The following PDE10A variants were observed in gnomAD, a reference collection of about 807,000 sequenced individuals.
The protein encoded by PDE10A is phosphodiesterase 10A.
Under a neutral mutation model 97.7 loss-of-function variants are expected in PDE10A, and 39 were observed. The ratio of observed to expected loss-of-function variants is 0.40; its 90% confidence interval spans 0.31 to 0.52. The LOEUF is 0.52. Ranked by LOEUF, PDE10A falls within the 20% of genes least tolerant of loss-of-function variation. PDE10A has a pLI of 0.56. For synonymous variants in PDE10A, 371 were observed against 376.8 expected, an observed-to-expected ratio of 0.98 and a Z score of 0.18; for missense variants, 731 against 1,047.8, an observed-to-expected ratio of 0.70 and a Z score of 4.17.
Position 165,462,336 on chromosome 6 carries a change from C to T in PDE10A, c.1024-11974G>A, listed in dbSNP as rs375330499. 1.8e-3 allele frequency among the ~76,000 whole-genome samples: 279 copies of T among 152,284 alleles called. 4 individuals are homozygous for T. The South Asian group carries it at 0.055, about 30-fold the overall frequency. ...AAATTTTTTGAGCCTGTCCAAAGGCCAGATGTTATCAGCACCTGAACAGTA... is the reference window on the plus strand; with the variant it reads ...AAATTTTTTGAGCCTGTCCAAAGGCTAGATGTTATCAGCACCTGAACAGTA... On this transcript the variant is annotated intron_variant, in intron 3 of 21. Transcript: ENST00000539869.
At chr6:165,949,930 G>A (rs1263247526) in intron 1 of PDE10A, 1 of 152,160 alleles carries the variant, frequency 6.6e-6, no homozygotes, top group Non-Finnish European at 1.5e-5. Flanking sequence ...GGAAAAATGA[G>A]AAAATCAAAA....
chr6:165,936,283 C>A (rs1338555794), intron 1 of PDE10A, among the ~76,000 whole-genome samples: 2 of 151,916 alleles, frequency 1.3e-5, no homozygotes, highest in Non-Finnish European at 2.9e-5. Context: ...TGTGATGAAC[C>A]ATGGAGGGAA....
intron 1 of PDE10A, among the ~76,000 whole-genome samples, chr6:165,783,274 G>A (rs376515734): frequency 1.7e-4 from 26 of 152,144 alleles, no homozygotes; most frequent in Non-Finnish European, 2.5e-4. Flanking sequence ...TACGAATGAC[G>A]ATTACAGTCA....
At chr6:165,765,298 C>G (rs1583056378) in intron 1 of PDE10A, among the ~76,000 whole-genome samples, 1 of 152,396 alleles carries the variant, frequency 6.6e-6, no homozygotes, top group East Asian at 1.9e-4. Flanking sequence ...CTCCTCAGCC[C>G]TTGGGTGATC....
chr6:165,462,040 G>A (rs1778357365), intron 3 of PDE10A, among the ~76,000 whole-genome samples: 2 of 152,232 alleles, frequency 1.3e-5, no homozygotes, highest in African/African-American at 2.4e-5. Context: ...AGAGTCTTCT[G>A]CCTGTGTTAA....
intron 3 of PDE10A, among the ~76,000 whole-genome samples, chr6:165,456,019 CTTAGG>C (rs1031660835): frequency 6.6e-6 from 1 of 152,144 alleles, no homozygotes; most frequent in Non-Finnish European, 1.5e-5. Context: ...GTCACCAAAA[CTTAGG>C]TTATTTTCTT....
chr6:165,861,395 G>A (rs35389574), intron 1 of PDE10A, among the ~76,000 whole-genome samples: 5,420 of 151,706 alleles, frequency 0.036, 115 homozygotes, highest in Middle Eastern at 0.054. Flanking sequence ...CCTCTCGGGG[G>A]GGCGCTATGG....
chr6:165,761,187 A>G (rs540488115), intron 1 of PDE10A, among the ~76,000 whole-genome samples: 57 of 152,088 alleles, frequency 3.7e-4, no homozygotes, highest in African/African-American at 1.3e-3. Flanking sequence ...AATAAACTCC[A>G]TTTTTCTAAC....
intron 1 of PDE10A, among the ~76,000 whole-genome samples, chr6:165,960,528 G>A (rs1313134145): frequency 6.6e-6 from 1 of 152,154 alleles, no homozygotes; most frequent in Admixed American, 6.5e-5. Flanking sequence ...CCCTAGACAT[G>A]TTGTCATTAA....
intron 8 of PDE10A, 28 bp downstream of exon 8, chr6:165,431,394 C>T (rs774871585): frequency 1.4e-5 from 21 of 1,551,266 alleles, no homozygotes; most frequent in Middle Eastern, 1.7e-4. Context: ...CCTTAGGAAG[C>T]CCCTGCAAAA....
chr6:165,361,645 G>A (rs904884832), intron 18 of PDE10A, among the ~76,000 whole-genome samples: 5 of 152,134 alleles, frequency 3.3e-5, no homozygotes, highest in African/African-American at 1.2e-4. Context: ...AAGACACCAG[G>A]GGAATACAGA....
rs143145239 is a variant in PDE10A, at chr6:165,706,235, T to C, written c.-614-162667A>G. ...TGGGGCGACATGAATATTTCAGTGA[T>C]GTTACTTTGGTGTAGATAAAATGTC... On this transcript the variant is annotated intron_variant, in intron 1 of 19. Coordinates refer to the PDE10A transcript ENST00000366882. Among the ~76,000 whole-genome samples the C allele has an allele frequency of 4.8e-4, 73 of 152,320 alleles. 1 individual carries two copies. In the East Asian group the frequency reaches 0.013, roughly 28 times the overall value.
rs142455838 is a variant in PDE10A at position 165,935,712 on chromosome 6, C to T, written c.-615+51817G>A. Among the ~76,000 whole-genome samples the T allele has an allele frequency of 1.4e-3, 206 of 152,280 alleles. 1 individual carries two copies. The highest frequency in any genetic ancestry group is 4.8e-3 in the African/African-American group (201 of 41,554). ...TTAAGAGGTGATTAGGTCATGAGGG[C>T]TCTGCCCTTATGAATAGATTAATGC... On this transcript the variant is annotated intron_variant, in intron 1 of 19. Transcript: ENST00000366882.
chr6:165,417,985 C>T (rs974486110), intron 11 of PDE10A, among the ~76,000 whole-genome samples: 1 of 152,268 alleles, frequency 6.6e-6, no homozygotes, highest in Admixed American at 6.5e-5. Flanking sequence ...ATGTTAAGCT[C>T]GATTCTTAAA....
rs570757890 is a variant in PDE10A, at chr6:165,959,014, G to A, written c.-615+28515C>T. On this transcript the variant is annotated intron_variant, in intron 1 of 19. Coordinates refer to the PDE10A transcript ENST00000366882. The stretch of plus-strand genomic sequence containing the variant: ...AAGGCAGAAAGTGCACAGCTTCAGC[G>A]TCAGGATCCCTCTAACCAGGCTGAG... Among the ~76,000 whole-genome samples, 10 of 152,332 alleles carry A rather than the reference G, an allele frequency of 6.6e-5. No individual in the cohort carries two copies. The East Asian group carries it at 1.2e-3, about 18-fold the overall frequency.
At chr6:165,529,897 G>T (rs909248613) in intron 2 of PDE10A, among the ~76,000 whole-genome samples, 3 of 152,130 alleles carry the variant, frequency 2.0e-5, no homozygotes. Flanking sequence ...TTTATACTGA[G>T]TGTCAACTTG....
At chr6:165,647,259 G>A (rs975324981) in intron 1 of PDE10A, among the ~76,000 whole-genome samples, 3 of 152,318 alleles carry the variant, frequency 2.0e-5, no homozygotes, top group African/African-American at 7.2e-5. Flanking sequence ...GAGGGATGGT[G>A]TCCTGGACAG....
intron 18 of PDE10A, among the ~76,000 whole-genome samples, chr6:165,358,363 T>C (rs1013631197): frequency 2.1e-4 from 32 of 152,158 alleles, no homozygotes; most frequent in African/African-American, 7.5e-4. Flanking sequence ...TCGTTTGTTT[T>C]TGAAGCTTTG....
chr6:165,425,791 G>GTGTA (rs1420722553), intron 10 of PDE10A, among the ~76,000 whole-genome samples: 88 of 151,798 alleles, frequency 5.8e-4, no homozygotes, highest in Non-Finnish European at 1.1e-3. Flanking sequence ...GTGTGTGTGT[G>GTGTA]TGTGTGTGTA....
Sources: allele counts gnomAD v4.1 joint callset (sites outside exome capture counted in the v4.1 genomes callset), GRCh38; gene constraint gnomAD v4.1.1; transcripts MANE v1.5; gene names NCBI Gene and HGNC (gene_info 2026-07-23, HGNC 2026-07-21).